Variants in GPX8 observed in about 807,000 individuals in gnomAD.
GPX8 encodes protein peroxidase GPX8.
In GPX8, 12 loss-of-function variants were observed where a neutral mutation model predicts 17.8. That is an observed-to-expected ratio of 0.67 (90% CI 0.43 to 1.09). GPX8 has a LOEUF of 1.09. Ranked by LOEUF, GPX8 falls within the 50% of genes least tolerant of loss-of-function variation. The pLI, the probability that GPX8 is intolerant of heterozygous loss-of-function variation, is 0.00. For missense variants in GPX8, 209 were observed against 235.6 expected (o/e 0.89, Z 0.74); for synonymous variants, 86 against 88.1 (o/e 0.98, Z 0.14).
intron 2 of GPX8, among the ~76,000 whole-genome samples, chr5:55,163,012 A>G (rs531927342): frequency 6.6e-6 from 1 of 152,164 alleles, no homozygotes; most frequent in Non-Finnish European, 1.5e-5. Context: ...CGGGGATGAT[A>G]ATAATACCCA....
rs571743480 is a variant in GPX8, at chr5:55,165,583, A to T, written c.*1365A>T. On this transcript the variant is annotated 3_prime_UTR_variant, in exon 3 of 3. Coordinates refer to ENST00000503787, the MANE Select transcript of GPX8 (RefSeq NM_001008397.4). ...GTATTTGGACCAAAGTTATTAGATA[A>T]ACCAAAAATATTTCATGAAGCATCT... 7.9e-5 allele frequency: 12 copies of T among 152,198 alleles called. No individual in the cohort carries two copies. In the East Asian group the frequency reaches 2.3e-3, roughly 29 times the overall value. 9.4% of individuals were successfully genotyped at this position (152,198 alleles called of 1,614,324 possible). A position where few individuals can be genotyped will look rare whatever the true frequency, so the allele number is the denominator to read the frequency against.
chr5:55,160,880 A>C, intron 1 of GPX8, 114 bp from the exon 2 acceptor site: 8 of 1,113,908 alleles, frequency 7.2e-6, no homozygotes, highest in Non-Finnish European at 1.0e-5. Flanking sequence ...TATGAAAAAA[A>C]CATCAATCAG....
In GPX8 at chr5:55,164,297, A is replaced by G. The variant is rs867607779; in HGVS notation, c.*79A>G. On this transcript the variant is annotated 3_prime_UTR_variant, in exon 3 of 3. Transcript: ENST00000503787. ...CTCATTTTAAACATTTTTTTTTTGG[A>G]GACAGTGTCTCACTCTGTCACCCAG... 4.6e-6 allele frequency: 5 copies of G among 1,088,622 alleles called. No individual in the cohort carries two copies. The Middle Eastern group carries it at 1.2e-3, about 251-fold the overall frequency. 67.4% of individuals were successfully genotyped at this position (1,088,622 alleles called of 1,614,324 possible). A position where few individuals can be genotyped will look rare whatever the true frequency, so the allele number is the denominator to read the frequency against.
rs1744057071 is a variant in GPX8 at position 55,161,405 on chromosome 5, A to T, written c.466+150A>T. ...AAGAGCCAGAATCTCATCCTTTGTA[A>T]CTTCTAGGAGTTATGCTCCCCTGAA... is the stretch of plus-strand genomic sequence containing the variant. On this transcript the variant is annotated intron_variant, in intron 2 of 2. Transcript: ENST00000503787. The T allele has an allele frequency of 4.0e-6, 3 of 750,042 alleles. No homozygotes were observed. In the East Asian group the frequency reaches 7.9e-5, roughly 20 times the overall value. 46.5% of individuals were successfully genotyped at this position (750,042 alleles called of 1,614,324 possible). A position where few individuals can be genotyped will look rare whatever the true frequency, so the allele number is the denominator to read the frequency against.
rs1371216470 is a variant in GPX8, at chr5:55,165,004, C to T, written c.*786C>T. ...CCAAGTAAGTCAGTCTTTATTTTTG[C>T]GTGAAAATCCCAAGTGTAGAAAAAA... On this transcript the variant is annotated 3_prime_UTR_variant, in exon 3 of 3. Transcript: ENST00000503787. 2.0e-5 allele frequency: 3 copies of T among 152,034 alleles called. No homozygotes were observed. Among genetic ancestry groups the T allele is most frequent in the Admixed American group, 1.3e-4 (2 of 15,260 alleles). 9.4% of individuals were successfully genotyped at this position (152,034 alleles called of 1,614,324 possible). A position where few individuals can be genotyped will look rare whatever the true frequency, so the allele number is the denominator to read the frequency against.
chr5:55,160,564 CT>C, intron 1 of GPX8, 168 bp downstream of exon 1: 3 of 569,918 alleles, frequency 5.3e-6, no homozygotes, highest in Non-Finnish European at 9.1e-6. Flanking sequence ...TAGTTTGCTT[CT>C]AAATAATAAA....
Position 55,167,294 on chromosome 5 carries a change from G to A in GPX8, c.*3076G>A, listed in dbSNP as rs901223664. Among the ~76,000 whole-genome samples, 1 of 152,188 alleles carries A rather than the reference G, an allele frequency of 6.6e-6. No individual in the cohort carries two copies. The highest frequency in any genetic ancestry group is 1.5e-5 in the Non-Finnish European group (1 of 68,032). On this transcript the variant is annotated 3_prime_UTR_variant, in exon 3 of 3. Coordinates refer to ENST00000503787, the MANE Select transcript of GPX8 (RefSeq NM_001008397.4). ...GACTGGAATAAATATGAATTTGGCT[G>A]AAATGTGCCCTGAAAGTTGTATTTC... is the stretch of plus-strand genomic sequence containing the variant.
chr5:55,160,224 G>A lies in GPX8; in HGVS notation c.32G>A (p.Cys11Tyr), dbSNP rs1174219303. Residue 11 changes from cysteine to tyrosine, a missense_variant, in exon 1 of 3, where the codon TGT becomes TAT. Physicochemically the swap from Cys to Tyr is radical, Grantham distance 194. Transcript: ENST00000503787. MEPLAAYPLKCSGPRAKVFAV... is the reference protein window; with the variant it reads MEPLAAYPLKYSGPRAKVFAV... ...CCTCTTGCAGCTTACCCGCTAAAAT[G>A]TTCCGGGCCCAGAGCAAAGGTATTT... The A allele has an allele frequency of 1.2e-6, 2 of 1,614,076 alleles. No homozygotes were observed. The highest frequency in any genetic ancestry group is 1.7e-6 in the Non-Finnish European group (2 of 1,179,980).
chr5:55,161,024 T>C lies in GPX8; in HGVS notation c.235T>C (p.Cys79Arg). 1 of 1,613,976 alleles carries C rather than the reference T, an allele frequency of 6.2e-7. No individual in the cohort carries two copies. The highest frequency in any genetic ancestry group is 2.2e-5 in the East Asian group (1 of 44,862). The change falls in exon 2 of 3, where the codon TGC becomes CGC. Residue 79 changes from cysteine (C) to arginine (R), a missense_variant. Coordinates refer to ENST00000503787, the MANE Select transcript of GPX8 (RefSeq NM_001008397.4). ...VSLVVNVASD[C>R]QLTDRNYLGL... Reference sequence around the variant, plus strand: ...ACTAGTTGTAAACGTGGCCAGTGACTGCCAACTCACAGACAGAAATTACTT... The same window carrying C: ...ACTAGTTGTAAACGTGGCCAGTGACCGCCAACTCACAGACAGAAATTACTT...
In GPX8 at chr5:55,161,284, T is replaced by C; in HGVS notation, c.466+29T>C. 2 of 1,588,308 alleles carry C rather than the reference T, an allele frequency of 1.3e-6. 1 individual carries two copies. Among genetic ancestry groups the C allele is most frequent in the South Asian group, 2.3e-5 (2 of 88,874 alleles). ...AATATCTGCCTTGCATATGCTGTTT[T>C]AAATTGCTTTTCATTTTTAAACAAT... On this transcript the variant is annotated intron_variant, in intron 2 of 2. Transcript: ENST00000503787.
rs776791651 is a variant in GPX8, at chr5:55,161,112, GCAAT to G, written c.326_329del (p.Asn109SerfsTer13). Reference sequence around the variant, plus strand: ...CACTTCAGCGTGTTGGCTTTTCCCTGCAATCAGTTTGGAGAATCGGAGCCCCGCC... The same window carrying G: ...CACTTCAGCGTGTTGGCTTTTCCCTGCAGTTTGGAGAATCGGAGCCCCGCC... On this transcript the variant is annotated frameshift_variant, in exon 2 of 3. Transcript: ENST00000503787. LOFTEE classifies it high-confidence loss of function. 48 of 1,614,038 alleles carry G rather than the reference GCAAT, an allele frequency of 3.0e-5. No homozygotes were observed. In the Middle Eastern group the frequency reaches 4.9e-4, roughly 17 times the overall value.
intron 1 of GPX8, 178 bp from the exon 2 acceptor site, chr5:55,160,816 C>T (rs1744004251): frequency 1.6e-6 from 1 of 606,164 alleles, no homozygotes; most frequent in Non-Finnish European, 2.7e-6. Context: ...ATTTCAGGGC[C>T]TTAACCCAGG....
At chr5:55,161,325 C>T in intron 2 of GPX8, 70 bp downstream of exon 2, 1 of 1,375,248 alleles carries the variant, frequency 7.3e-7, no homozygotes, top group Non-Finnish European at 1.0e-6. Context: ...CAGGACAATA[C>T]TTTCCTATTT....
At chr5:55,163,156 A>G (rs1321664665) in intron 2 of GPX8, among the ~76,000 whole-genome samples, 3 of 152,200 alleles carry the variant, frequency 2.0e-5, no homozygotes. Context: ...AGTCAATAAA[A>G]TGAACATAAA....
rs1357706555 is a variant in GPX8 at position 55,160,374 on chromosome 5, C to T, written c.182C>T (p.Ser61Phe). Reference sequence around the variant, plus strand: ...AAGGATGCAAAAGGAAGAACTGTTTCTCTGGAAAAGTATAAAGGCAAAGTA... The same window carrying T: ...AAGGATGCAAAAGGAAGAACTGTTTTTCTGGAAAAGTATAAAGGCAAAGTA... ...EVKDAKGRTV[S>F]LEKYKGKVSL... Residue 61 changes from serine to phenylalanine, a missense_variant, in exon 1 of 3, where the codon TCT (serine) becomes TTT (phenylalanine). Transcript: ENST00000503787. 1.2e-6 allele frequency: 2 copies of T among 1,612,466 alleles called. No individual in the cohort carries two copies. The highest frequency in any genetic ancestry group is 1.7e-6 in the Non-Finnish European group (2 of 1,179,728).
rs1744297540 is a variant in GPX8 at position 55,164,870 on chromosome 5, T to A, written c.*652T>A. On this transcript the variant is annotated 3_prime_UTR_variant, in exon 3 of 3. Transcript: ENST00000503787. Reference sequence around the variant, plus strand: ...GTATGTAACTGACATATATAAATAGTCATTTATAAATGACCGTATTATAAC... The same window carrying A: ...GTATGTAACTGACATATATAAATAGACATTTATAAATGACCGTATTATAAC... 1 of 152,214 alleles carries A rather than the reference T, an allele frequency of 6.6e-6. No homozygotes were observed. The highest frequency in any genetic ancestry group is 6.5e-5 in the Admixed American group (1 of 15,278). 9.4% of individuals were successfully genotyped at this position (152,214 alleles called of 1,614,324 possible).
intron 2 of GPX8, among the ~76,000 whole-genome samples, chr5:55,163,796 G>A (rs983146949): frequency 5.3e-5 from 8 of 149,564 alleles, no homozygotes; most frequent in South Asian, 2.2e-4. Context: ...ACTGAGCCAC[G>A]GCTCCCAGCC....
At chr5:55,161,713 G>C (rs1744076055) in intron 2 of GPX8, among the ~76,000 whole-genome samples, 1 of 152,184 alleles carries the variant, frequency 6.6e-6, no homozygotes, top group African/African-American at 2.4e-5. Context: ...AGATGAATAT[G>C]TCAGCTTACC....
At chr5:55,162,935 T>C (rs436282) in intron 2 of GPX8, among the ~76,000 whole-genome samples, 95,199 of 151,980 alleles carry the variant, frequency 0.63, 30,181 homozygotes, top group Admixed American at 0.71. Context: ...CGTATATCAA[T>C]CCTGGCTCAA....
Sources: gnomAD v4.1 joint callset for allele counts (sites outside exome capture counted in the v4.1 genomes callset) on GRCh38, gnomAD v4.1.1 for gene constraint, MANE v1.5 for transcripts, NCBI Gene and HGNC (gene_info 2026-07-23, HGNC 2026-07-21) for gene names.